The following TNNI3K variants were observed in gnomAD, a reference collection of about 807,000 sequenced individuals.
TNNI3K encodes TNNI3 interacting kinase.
TNNI3K carries 140 observed loss-of-function variants against 114.5 expected under a neutral mutation model. The observed-to-expected ratio is 1.22, with a 90% CI of 1.07 to 1.41. The LOEUF (loss-of-function observed/expected upper bound fraction) is 1.41. Ranked by LOEUF, TNNI3K falls within the 40% of genes most tolerant of loss-of-function variation. The probability of loss-of-function intolerance (pLI) is 0.00; values close to 1 mark genes in which losing one functional copy is unlikely to be tolerated. For synonymous variants in TNNI3K, 347 were observed against 347.5 expected, an observed-to-expected ratio of 1.00 and a Z score of 0.02; for missense variants, 1,125 against 1,007.6, an observed-to-expected ratio of 1.12 and a Z score of -1.58.
At chr1:74,381,069 T>C (rs1263238899) in intron 17 of TNNI3K, among the ~76,000 whole-genome samples, 1 of 152,200 alleles carries the variant, frequency 6.6e-6, no homozygotes, top group Non-Finnish European at 1.5e-5. Flanking sequence ...AAGTCTCATT[T>C]AATATTTTCT....
At chr1:74,417,564 C>T (rs1170571188) in intron 17 of TNNI3K, among the ~76,000 whole-genome samples, 1 of 152,024 alleles carries the variant, frequency 6.6e-6, no homozygotes, top group Non-Finnish European at 1.5e-5. Flanking sequence ...TTTCTCACAG[C>T]TCACACAATA....
At chr1:74,293,119 T>A (rs1369087558) in intron 5 of TNNI3K, among the ~76,000 whole-genome samples, 5 of 151,716 alleles carry the variant, frequency 3.3e-5, no homozygotes. Context: ...TATAATTGAA[T>A]TTTATTCTAC....
chr1:74,366,875 T>A (rs981339920), intron 11 of TNNI3K: 17 of 161,132 alleles, frequency 1.1e-4, no homozygotes, highest in African/African-American at 4.1e-4. Flanking sequence ...TTACTGTATG[T>A]ACTTTTTGCC....
chr1:74,492,170 G>C lies in TNNI3K; in HGVS notation c.2255G>C (p.Arg752Pro), dbSNP rs375373524. The change falls in exon 23 of 25, where the codon CGG becomes CCG. Residue 752 changes from arginine (R) to proline (P), a missense_variant. Arg to Pro is a moderately radical substitution (Grantham distance 103). Coordinates refer to ENST00000326637, the MANE Select transcript of TNNI3K (RefSeq NM_015978.3). ...PSSSSDCLVN[R>P]GGPGRSHVAA... ...TCTTCTTCTGATTGCCTGGTGAACCGGGGAGGACCTGGCCGGAGTCATGTG... is the reference window on the plus strand; with the variant it reads ...TCTTCTTCTGATTGCCTGGTGAACCCGGGAGGACCTGGCCGGAGTCATGTG... 6.2e-7 allele frequency: 1 copy of C among 1,612,624 alleles called. No homozygotes were observed. Among genetic ancestry groups the C allele is most frequent in the South Asian group, 1.1e-5 (1 of 90,850 alleles).
chr1:74,358,910 TTGAG>T (rs1207277058), intron 11 of TNNI3K, among the ~76,000 whole-genome samples: 1 of 152,030 alleles, frequency 6.6e-6, no homozygotes, highest in Non-Finnish European at 1.5e-5. Context: ...CTTACATTCA[TTGAG>T]TATCTTTTAC....
At chr1:74,439,393 G>T in intron 19 of TNNI3K, 97 bp from the exon 20 acceptor site, 2 of 1,516,520 alleles carry the variant, frequency 1.3e-6, no homozygotes, top group South Asian at 1.3e-5. Context: ...TGAGAGCATC[G>T]GGAGAACACA....
intron 20 of TNNI3K, 112 bp from the exon 21 acceptor site, chr1:74,463,329 T>C: frequency 8.9e-7 from 1 of 1,126,476 alleles, no homozygotes; most frequent in South Asian, 1.3e-5. Flanking sequence ...TTTGAATGTC[T>C]GCTGATGTTG....
chr1:74,425,713 C>T (rs1665606123), intron 17 of TNNI3K, among the ~76,000 whole-genome samples: 1 of 151,922 alleles, frequency 6.6e-6, no homozygotes, highest in African/African-American at 2.4e-5. Flanking sequence ...GAGCAGCGTC[C>T]TGAAATATGG....
At chr1:74,436,667 T>A (rs1218068171) in intron 19 of TNNI3K, 141 bp downstream of exon 19, 2 of 802,414 alleles carry the variant, frequency 2.5e-6, no homozygotes, top group Non-Finnish European at 1.8e-6. Flanking sequence ...ATGTCTTTAT[T>A]TTTAGTAAGC....
At chr1:74,333,118 G>C (rs1053887359) in intron 6 of TNNI3K, among the ~76,000 whole-genome samples, 2 of 152,042 alleles carry the variant, frequency 1.3e-5, no homozygotes, top group African/African-American at 4.8e-5. Context: ...TACCTTCCTG[G>C]AGGTCATGCC....
At chr1:74,532,831 A>G (rs1398166257) in intron 23 of TNNI3K, among the ~76,000 whole-genome samples, 2 of 152,186 alleles carry the variant, frequency 1.3e-5, no homozygotes, top group Non-Finnish European at 2.9e-5. Flanking sequence ...TCCCTATTTA[A>G]TAAATGGTGC....
intron 2 of TNNI3K, among the ~76,000 whole-genome samples, chr1:74,247,926 T>A: frequency 6.6e-6 from 1 of 151,252 alleles, no homozygotes; most frequent in East Asian, 2.0e-4. Flanking sequence ...GGGTGGTGGA[T>A]GGGACTGGGC....
At chr1:74,432,187 C>T (rs558211775) in intron 17 of TNNI3K, among the ~76,000 whole-genome samples, 4 of 152,214 alleles carry the variant, frequency 2.6e-5, no homozygotes, top group South Asian at 2.1e-4. Context: ...AGGGCTAAGG[C>T]GCTAGCTCAA....
intron 4 of TNNI3K, among the ~76,000 whole-genome samples, chr1:74,255,302 C>G (rs1484424237): frequency 2.0e-5 from 3 of 147,422 alleles, no homozygotes; most frequent in African/African-American, 5.1e-5. Context: ...TGCAGTGAGC[C>G]GAGATCCCGC....
intron 5 of TNNI3K, among the ~76,000 whole-genome samples, chr1:74,316,913 ATTG>A (rs1224009534): frequency 1.3e-5 from 2 of 151,044 alleles, no homozygotes; most frequent in African/African-American, 4.9e-5. Flanking sequence ...GATAGCCGGA[ATTG>A]TCTCGATCTC....
intron 20 of TNNI3K, among the ~76,000 whole-genome samples, chr1:74,453,053 T>G (rs1259308543): frequency 1.3e-5 from 2 of 152,340 alleles, no homozygotes; most frequent in African/African-American, 4.8e-5. Context: ...TATCATTGCA[T>G]TTATCACATT....
At chr1:74,508,452 A>G (rs1670018386) in intron 23 of TNNI3K, among the ~76,000 whole-genome samples, 1 of 152,210 alleles carries the variant, frequency 6.6e-6, no homozygotes, top group Non-Finnish European at 1.5e-5. Context: ...TCCCCAAAAT[A>G]CAAGTGGCAA....
chr1:74,248,159 C>A (rs2100842663), intron 2 of TNNI3K, among the ~76,000 whole-genome samples: 1 of 152,260 alleles, frequency 6.6e-6, no homozygotes. Flanking sequence ...AGGTGCTAAG[C>A]CTCTCACTGC....
intron 17 of TNNI3K, among the ~76,000 whole-genome samples, chr1:74,411,156 T>C (rs763249390): frequency 6.6e-6 from 1 of 152,192 alleles, no homozygotes; most frequent in Non-Finnish European, 1.5e-5. Context: ...TTATGATGTC[T>C]ATATACTGTA....
Sources: allele counts gnomAD v4.1 joint callset (sites outside exome capture counted in the v4.1 genomes callset), GRCh38; gene constraint gnomAD v4.1.1; transcripts MANE v1.5; gene names NCBI Gene and HGNC (gene_info 2026-07-23, HGNC 2026-07-21).